CPEB4: variants seen among roughly 807,000 people sequenced by gnomAD.
CPEB4 encodes cytoplasmic polyadenylation element binding protein 4, also known as cytoplasmic polyadenylation element-binding protein 4.
A neutral mutation model predicts 72.5 loss-of-function variants in CPEB4; 12 were observed. That is an observed-to-expected ratio of 0.17 (90% confidence interval 0.11 to 0.27). The LOEUF is 0.27. Among genes scored for constraint, CPEB4 ranks in the 10% least tolerant of loss-of-function variants. The pLI, the probability that CPEB4 is intolerant of heterozygous loss-of-function variation, is 1.00. For synonymous variants in CPEB4, 302 were observed against 326.3 expected, an observed-to-expected ratio of 0.93 and a Z score of 0.80; for missense variants, 614 against 908.5, an observed-to-expected ratio of 0.68 and a Z score of 4.17.
At chr5:173,943,073 A>T in intron 4 of CPEB4, 24 bp downstream of exon 4, 1 of 1,609,900 alleles carries the variant, frequency 6.2e-7, no homozygotes, top group African/African-American at 1.3e-5. Flanking sequence ...TAACTTTTAA[A>T]TGTATCACTT....
At position 173,888,730 on chromosome 5, in the gene CPEB4, A is replaced by G. The variant is rs769466984; in HGVS notation, c.-1004A>G. The G allele has an allele frequency of 5.1e-6, 2 of 389,180 alleles. No homozygotes were observed. Among genetic ancestry groups the G allele is most frequent in the Non-Finnish European group, 9.1e-6 (2 of 220,502 alleles). 24.1% of individuals were successfully genotyped at this position (389,180 alleles called of 1,614,324 possible). On this transcript the variant is annotated 5_prime_UTR_variant, in exon 1 of 10. Transcript: ENST00000265085. This position sits in a 1 kb window ranked among gnomAD's most constrained non-coding sequence, Gnocchi z 4.3. ...TCTCTGCGGAGAATCGAACTGAGGG[A>G]ACTGAACAAACCGCCCCTGGGTCCC...
intron 1 of CPEB4, among the ~76,000 whole-genome samples, chr5:173,902,256 G>C (rs1056057345): frequency 2.0e-5 from 3 of 152,122 alleles, no homozygotes; most frequent in Non-Finnish European, 4.4e-5. Flanking sequence ...ACCAGGGAAA[G>C]TTTAAGCCAG....
intron 2 of CPEB4, among the ~76,000 whole-genome samples, chr5:173,911,297 G>A (rs1756649358): frequency 6.6e-6 from 1 of 150,652 alleles, no homozygotes; most frequent in Non-Finnish European, 1.5e-5. Flanking sequence ...TTGAGACGGA[G>A]TCTTGCCCTG....
chr5:173,890,899 A>C, intron 1 of CPEB4, 41 bp downstream of exon 1: 1 of 1,550,600 alleles, frequency 6.4e-7, no homozygotes. Flanking sequence ...TGAATAAGGA[A>C]ATAGCATGGT....
intron 1 of CPEB4, among the ~76,000 whole-genome samples, chr5:173,903,147 AT>A (rs1188490876): frequency 1.3e-5 from 2 of 152,042 alleles, no homozygotes; most frequent in Non-Finnish European, 2.9e-5. Context: ...CAAGCACCAA[AT>A]TTGTATTTTG....
In CPEB4 at chr5:173,955,258, C is replaced by G. The variant is rs1424242421; in HGVS notation, c.1963-652C>G. On this transcript the variant is annotated intron_variant, in intron 9 of 9. Transcript: ENST00000265085. The surrounding 1 kb of genome is among the most constrained non-coding windows in gnomAD (Gnocchi z 4.7). The stretch of plus-strand genomic sequence containing the variant: ...CAGGCCCAGTTTTAGAAATTCACCT[C>G]TGACTTTTAGACTCAGGTGAACCAT... Among the ~76,000 whole-genome samples, 3 of 152,170 alleles carry G rather than the reference C, an allele frequency of 2.0e-5. No individual in the cohort carries two copies. The highest frequency in any genetic ancestry group is 2.9e-5 in the Non-Finnish European group (2 of 68,034).
In CPEB4 at chr5:173,890,839, A is replaced by C; in HGVS notation, c.1106A>C (p.Asp369Ala). Residue 369 changes from aspartate to alanine, a missense_variant, in exon 1 of 10, where the codon GAC (aspartate) becomes GCC (alanine). By Grantham distance (126) the Asp-to-Ala change is moderately radical (BLOSUM62 -2). Around this residue, in one of 5 missense-constraint regions of CPEB4, gnomAD observed 458 missense variants for 548.6 expected, o/e 0.83. Coordinates refer to ENST00000265085, the MANE Select transcript of CPEB4 (RefSeq NM_030627.4). Reference sequence around the variant, plus strand: ...ATGGAAGATAGCTTGAACAGGGCTGACAACATTTTTCCTTTTCCGGTAAGA... The same window carrying C: ...ATGGAAGATAGCTTGAACAGGGCTGCCAACATTTTTCCTTTTCCGGTAAGA... ...SWMEDSLNRA[D>A]NIFPFPDRPR... 1 of 1,610,640 alleles carries C rather than the reference A, an allele frequency of 6.2e-7. No individual in the cohort carries two copies. The highest frequency in any genetic ancestry group is 1.7e-5 in the Admixed American group (1 of 59,318).
At chr5:173,901,202 TA>T (rs1561606747) in intron 1 of CPEB4, among the ~76,000 whole-genome samples, 1 of 152,184 alleles carries the variant, frequency 6.6e-6, no homozygotes, top group Admixed American at 6.5e-5. Flanking sequence ...AAAGGTGCAA[TA>T]AAAAATGTTC....
At chr5:173,901,015 A>G (rs1379045795) in intron 1 of CPEB4, among the ~76,000 whole-genome samples, 2 of 152,212 alleles carry the variant, frequency 1.3e-5, no homozygotes, top group Non-Finnish European at 2.9e-5. Context: ...TCTCTCTGCT[A>G]GGCAAGATTA....
intron 9 of CPEB4, 30 bp downstream of exon 9, chr5:173,953,302 C>A: frequency 7.0e-7 from 1 of 1,424,752 alleles, no homozygotes; most frequent in East Asian, 2.3e-5. Flanking sequence ...TTGGAAAATT[C>A]TAGAAATGGT....
chr5:173,909,998 A>C (rs80126677), intron 1 of CPEB4, among the ~76,000 whole-genome samples: 1 of 144,864 alleles, frequency 6.9e-6, no homozygotes, highest in African/African-American at 2.5e-5. Flanking sequence ...ACTGTGTCTC[A>C]AAAAAAAAAA....
At chr5:173,914,900 TA>T (rs1397043360) in intron 2 of CPEB4, among the ~76,000 whole-genome samples, 1 of 152,332 alleles carries the variant, frequency 6.6e-6, no homozygotes, top group East Asian at 1.9e-4. Flanking sequence ...AATAATTTCA[TA>T]AAAAATTATG....
At chr5:173,930,812 C>A (rs1757418757) in intron 2 of CPEB4, among the ~76,000 whole-genome samples, 1 of 151,778 alleles carries the variant, frequency 6.6e-6, no homozygotes, top group African/African-American at 2.4e-5. Flanking sequence ...CACAGTGAAA[C>A]CCCGTCCCTA....
At chr5:173,942,000 T>A (rs1444064621) in intron 3 of CPEB4, among the ~76,000 whole-genome samples, 3 of 152,252 alleles carry the variant, frequency 2.0e-5, no homozygotes, top group Non-Finnish European at 4.4e-5. Flanking sequence ...CGTGTAACGC[T>A]GTTGAGCCTG....
intron 2 of CPEB4, among the ~76,000 whole-genome samples, chr5:173,930,896 G>A (rs1044412990): frequency 6.6e-6 from 1 of 150,432 alleles, no homozygotes; most frequent in Admixed American, 6.7e-5. Flanking sequence ...GGCTGAGGCA[G>A]GAGAATGAGG....
At chr5:173,951,960 A>G in intron 8 of CPEB4, 22 bp downstream of exon 8, 1 of 1,439,208 alleles carries the variant, frequency 6.9e-7, no homozygotes. Flanking sequence ...CAAACGACAA[A>G]CTCTCTACCC....
intron 1 of CPEB4, among the ~76,000 whole-genome samples, chr5:173,909,762 G>A (rs191587627): frequency 2.6e-5 from 4 of 152,168 alleles, no homozygotes; most frequent in Non-Finnish European, 4.4e-5. Flanking sequence ...CACTTTGGGA[G>A]GCTAGGCAGG....
chr5:173,942,261 C>A (rs1757873584), intron 3 of CPEB4, among the ~76,000 whole-genome samples: 1 of 152,162 alleles, frequency 6.6e-6, no homozygotes, highest in Non-Finnish European at 1.5e-5. Flanking sequence ...AAGAAATGTT[C>A]GTTGGATAGA....
intron 1 of CPEB4, among the ~76,000 whole-genome samples, chr5:173,902,083 A>G (rs1756256750): frequency 6.6e-6 from 1 of 152,246 alleles, no homozygotes; most frequent in Non-Finnish European, 1.5e-5. Flanking sequence ...ATTTAATTCA[A>G]GAGGAATATT....
Sources: allele counts gnomAD v4.1 joint callset (sites outside exome capture counted in the v4.1 genomes callset), GRCh38; gene constraint gnomAD v4.1.1; regional missense constraint gnomAD v4.1.1; non-coding constraint Gnocchi (gnomAD v3.1); transcripts MANE v1.5; gene names NCBI Gene and HGNC (gene_info 2026-07-23, HGNC 2026-07-21).